Variants in CNDP1 observed in about 807,000 individuals in gnomAD.
The protein encoded by CNDP1 is carnosine dipeptidase 1.
A neutral mutation model predicts 58.1 loss-of-function variants in CNDP1; 44 were observed. That is an observed-to-expected ratio of 0.76 (90% CI 0.60 to 0.97). The LOEUF (loss-of-function observed/expected upper bound fraction) is 0.97, where lower values mean the gene tolerates loss of function less well. Among genes scored for constraint, CNDP1 ranks in the 50% least tolerant of loss-of-function variants. The pLI is 0.00. For synonymous variants in CNDP1, 254 were observed against 252.6 expected (o/e 1.01, Z -0.05); for missense variants, 616 against 655.1 (o/e 0.94, Z 0.65).
chr18:74,553,837 C>G (rs1980969889), intron 1 of CNDP1, among the ~76,000 whole-genome samples: 1 of 152,230 alleles, frequency 6.6e-6, no homozygotes, highest in Admixed American at 6.5e-5. Context: ...GTGTTCAGCA[C>G]CAGTTTCCTC....
intron 9 of CNDP1, 43 bp downstream of exon 9, chr18:74,578,370 G>A (rs751044011): frequency 1.3e-6 from 2 of 1,552,196 alleles, no homozygotes; most frequent in Non-Finnish European, 1.8e-6. Context: ...TCAGTAACAT[G>A]GTTTCTGAAT....
Position 74,559,483 on chromosome 18 carries a change from A to G in CNDP1, c.303+11A>G. On this transcript the variant is annotated intron_variant, in intron 3 of 11. Transcript: ENST00000358821. Reference sequence around the variant, plus strand: ...ATGGGTCCTCAGCAGGTGCTGTACGATTCCCTCCCACTGAGGGAGGTGCTA... The same window carrying G: ...ATGGGTCCTCAGCAGGTGCTGTACGGTTCCCTCCCACTGAGGGAGGTGCTA... The G allele has an allele frequency of 1.2e-5, 19 of 1,594,604 alleles. No homozygotes were observed. Among genetic ancestry groups the G allele is most frequent in the Non-Finnish European group, 1.6e-5 (19 of 1,175,272 alleles).
chr18:74,572,466 A>G (rs1343311185), intron 7 of CNDP1, among the ~76,000 whole-genome samples: 1 of 152,134 alleles, frequency 6.6e-6, no homozygotes, highest in Non-Finnish European at 1.5e-5. Flanking sequence ...GCTGTGCTCC[A>G]CTTGGCATGT....
chr18:74,579,989 G>A (rs4891563), intron 9 of CNDP1, 141 bp from the exon 10 acceptor site: 458,859 of 706,450 alleles, frequency 0.65, 150,918 homozygotes, highest in South Asian at 0.72. Context: ...CAACACTTGC[G>A]TGTGTCAGGC....
chr18:74,541,714 A>G (rs1197636903), intron 1 of CNDP1, among the ~76,000 whole-genome samples: 1 of 152,150 alleles, frequency 6.6e-6, no homozygotes, highest in African/African-American at 2.4e-5. Flanking sequence ...AGCCCTAATC[A>G]GGAGGTAGGG....
chr18:74,552,103 T>A (rs891549656), intron 1 of CNDP1, among the ~76,000 whole-genome samples: 1 of 152,172 alleles, frequency 6.6e-6, no homozygotes, highest in Non-Finnish European at 1.5e-5. Flanking sequence ...GCCTTCTGAG[T>A]GCAGGGTAGC....
chr18:74,570,550 A>G (rs1481436262), intron 6 of CNDP1, among the ~76,000 whole-genome samples: 1 of 152,218 alleles, frequency 6.6e-6, no homozygotes, highest in South Asian at 2.1e-4. Flanking sequence ...AGCAGTCTTT[A>G]TTGATCAGGC....
intron 7 of CNDP1, 38 bp from the exon 8 acceptor site, chr18:74,576,831 C>T (rs768230587): frequency 7.6e-6 from 12 of 1,578,762 alleles, no homozygotes; most frequent in Middle Eastern, 2.0e-4. Context: ...TGGCACACTC[C>T]TTTCTACCTG....
In CNDP1 at chr18:74,561,861, G is replaced by A. The variant is rs1599094898; in HGVS notation, c.467-186G>A. 1.2e-5 allele frequency: 6 copies of A among 508,182 alleles called. No homozygotes were observed. In the East Asian group the frequency reaches 2.0e-4, roughly 17 times the overall value. 31.5% of individuals were successfully genotyped at this position (508,182 alleles called of 1,614,324 possible). On this transcript the variant is annotated intron_variant, in intron 4 of 11. Coordinates refer to ENST00000358821, the MANE Select transcript of CNDP1 (RefSeq NM_032649.6). ...CTATTTGTCAGGGAAGAGATCCAAG[G>A]ATCTCTTATGTACAGTCTTATTTGT...
intron 6 of CNDP1, among the ~76,000 whole-genome samples, chr18:74,569,320 G>A (rs1981410703): frequency 6.6e-6 from 1 of 152,202 alleles, no homozygotes; most frequent in Admixed American, 6.5e-5. Flanking sequence ...GGGAGGGAAT[G>A]AACTGAAGAA....
chr18:74,577,171 C>A, intron 8 of CNDP1, 142 bp downstream of exon 8: 1 of 732,798 alleles, frequency 1.4e-6, no homozygotes, highest in Non-Finnish European at 2.1e-6. Flanking sequence ...ATATTTTTGA[C>A]ATTCACAGCC....
intron 5 of CNDP1, among the ~76,000 whole-genome samples, chr18:74,565,541 G>A (rs991312921): frequency 1.3e-5 from 2 of 152,178 alleles, no homozygotes; most frequent in Non-Finnish European, 1.5e-5. Flanking sequence ...AAACAAAGGG[G>A]TTACAGTGTC....
At chr18:74,560,304 G>A (rs1430363911) in intron 3 of CNDP1, among the ~76,000 whole-genome samples, 1 of 152,172 alleles carries the variant, frequency 6.6e-6, no homozygotes, top group South Asian at 2.1e-4. Flanking sequence ...ATGAGCCACC[G>A]TGCCCGGCCC....
intron 7 of CNDP1, among the ~76,000 whole-genome samples, chr18:74,573,253 C>T (rs1291477270): frequency 6.6e-6 from 1 of 150,760 alleles, no homozygotes; most frequent in African/African-American, 2.4e-5. Flanking sequence ...TCTATCCATC[C>T]ATTATCTATC....
intron 1 of CNDP1, among the ~76,000 whole-genome samples, chr18:74,537,818 T>C (rs1306036024): frequency 1.3e-5 from 2 of 152,208 alleles, no homozygotes. Context: ...CATATATCAC[T>C]ACACTTTGTC....
intron 6 of CNDP1, among the ~76,000 whole-genome samples, chr18:74,570,679 G>T (rs1568298469): frequency 6.6e-6 from 1 of 152,194 alleles, no homozygotes; most frequent in African/African-American, 2.4e-5. Flanking sequence ...GTGAGCTCTT[G>T]AAGCTCAGGT....
chr18:74,567,493 A>G (rs540757181), intron 6 of CNDP1, 60 bp downstream of exon 6: 2 of 1,380,950 alleles, frequency 1.4e-6, no homozygotes, highest in South Asian at 2.3e-5. Context: ...GGGAGCACCA[A>G]TCCATTCTGG....
intron 1 of CNDP1, among the ~76,000 whole-genome samples, chr18:74,540,981 C>T (rs1163459336): frequency 3.9e-5 from 6 of 152,190 alleles, no homozygotes; most frequent in East Asian, 1.9e-4. Context: ...TCTTGTATCA[C>T]GGGTGGTTTA....
At chr18:74,537,689 C>A (rs1007773477) in intron 1 of CNDP1, among the ~76,000 whole-genome samples, 3 of 152,120 alleles carry the variant, frequency 2.0e-5, no homozygotes, top group Non-Finnish European at 4.4e-5. Context: ...ATGCAGTGAG[C>A]ATGTGTGATG....
Sources: allele counts gnomAD v4.1 joint callset (sites outside exome capture counted in the v4.1 genomes callset), GRCh38; gene constraint gnomAD v4.1.1; transcripts MANE v1.5; gene names NCBI Gene and HGNC (gene_info 2026-07-23, HGNC 2026-07-21).